Variants in CNTN4 observed in about 807,000 individuals in gnomAD.
The protein encoded by CNTN4 is contactin 4.
A neutral mutation model predicts 122.5 loss-of-function variants in CNTN4; 77 were observed. The ratio of observed to expected loss-of-function variants is 0.63; its 90% CI spans 0.52 to 0.76. The LOEUF (loss-of-function observed/expected upper bound fraction) is 0.76. CNTN4 is among the 30% of genes least tolerant of loss of function. The pLI is 0.00. For synonymous variants in CNTN4, 512 were observed against 447.0 expected, an observed-to-expected ratio of 1.15 and a Z score of -1.83; for missense variants, 1,256 against 1,259.1, an observed-to-expected ratio of 1.00 and a Z score of 0.04.
At chr3:2,241,914 ATCT>A (rs72271306) in intron 2 of CNTN4, among the ~76,000 whole-genome samples, 14,982 of 152,020 alleles carry the variant, frequency 0.099, 868 homozygotes, top group Middle Eastern at 0.15. Context: ...GATCTCACTT[ATCT>A]TCTTGTTTTC....
At chr3:2,259,675 C>T (rs1329398773) in intron 2 of CNTN4, among the ~76,000 whole-genome samples, 2 of 152,140 alleles carry the variant, frequency 1.3e-5, no homozygotes, top group Non-Finnish European at 2.9e-5. Flanking sequence ...GTATTCACAA[C>T]CACGAGAACA....
intron 2 of CNTN4, among the ~76,000 whole-genome samples, chr3:2,188,846 G>C (rs539139190): frequency 1.3e-5 from 2 of 152,206 alleles, no homozygotes; most frequent in South Asian, 4.1e-4. Flanking sequence ...CTCTGTTGGG[G>C]AACAGCTACC....
chr3:2,413,920 T>A (rs1575581430), intron 3 of CNTN4, among the ~76,000 whole-genome samples: 1 of 152,192 alleles, frequency 6.6e-6, no homozygotes, highest in African/African-American at 2.4e-5. Flanking sequence ...TTCTTTCAGT[T>A]AAATATTTAA....
chr3:2,205,800 G>GT (rs1483973201), intron 2 of CNTN4, among the ~76,000 whole-genome samples: 1 of 151,190 alleles, frequency 6.6e-6, no homozygotes, highest in African/African-American at 2.4e-5. Flanking sequence ...ACAGCTGTTT[G>GT]TTTTTTTTAG....
chr3:2,770,559 G>A (rs887212554), intron 6 of CNTN4, among the ~76,000 whole-genome samples: 5 of 152,220 alleles, frequency 3.3e-5, no homozygotes, highest in African/African-American at 1.2e-4. Context: ...GCAAAATAGT[G>A]TCTCTTTTTC....
At chr3:2,965,746 GA>G (rs1192859159) in intron 13 of CNTN4, among the ~76,000 whole-genome samples, 2 of 152,120 alleles carry the variant, frequency 1.3e-5, no homozygotes, top group Non-Finnish European at 2.9e-5. Context: ...TTTGTGACCT[GA>G]CCCCTTTCTG....
chr3:2,428,004 A>G lies in CNTN4; in HGVS notation c.-89+88771A>G, dbSNP rs1295714779. Among the ~76,000 whole-genome samples the G allele has an allele frequency of 1.3e-5, 2 of 151,984 alleles. 1 individual carries two copies. Among genetic ancestry groups the G allele is most frequent in the African/African-American group, 4.8e-5 (2 of 41,258 alleles). On this transcript the variant is annotated intron_variant, in intron 3 of 24. Coordinates refer to ENST00000418658, the MANE Select transcript of CNTN4 (RefSeq NM_175607.3). Reference sequence around the variant, plus strand: ...TGGGTGTCCTAAATACAGCACACTGACAGGTCTTGACTCTTTATCCAATTT... The same window carrying G: ...TGGGTGTCCTAAATACAGCACACTGGCAGGTCTTGACTCTTTATCCAATTT...
chr3:2,459,337 G>A (rs2049117863), intron 3 of CNTN4, among the ~76,000 whole-genome samples: 1 of 151,960 alleles, frequency 6.6e-6, no homozygotes, highest in Admixed American at 6.6e-5. Flanking sequence ...GGCCACATGT[G>A]GACACATGCC....
chr3:2,404,173 T>C (rs1430855425), intron 3 of CNTN4, among the ~76,000 whole-genome samples: 3 of 152,166 alleles, frequency 2.0e-5, no homozygotes, highest in Admixed American at 6.6e-5. Flanking sequence ...ACCACAAATT[T>C]AGTGGCTTAA....
intron 2 of CNTN4, among the ~76,000 whole-genome samples, chr3:2,258,882 G>A (rs929540659): frequency 6.6e-6 from 1 of 152,072 alleles, no homozygotes; most frequent in Non-Finnish European, 1.5e-5. Flanking sequence ...TTGTCCACCA[G>A]TGTTTCTCAG....
At chr3:2,368,290 C>A (rs1280928302) in intron 3 of CNTN4, among the ~76,000 whole-genome samples, 1 of 152,042 alleles carries the variant, frequency 6.6e-6, no homozygotes, top group Non-Finnish European at 1.5e-5. Flanking sequence ...CCTCGGCCTC[C>A]CAAAGTGCTG....
rs761173247 is a variant in CNTN4, at chr3:3,040,267, A to G, written c.2394A>G (p.Glu798=). 8.7e-6 allele frequency: 14 copies of G among 1,609,780 alleles called. No homozygotes were observed. The highest frequency in any genetic ancestry group is 1.2e-5 in the Non-Finnish European group (14 of 1,175,980). ...CCACCACGGTGGTGTATTCTGCAGAAGAAGGTATCGTTTATGCTGCCTAGA... is the reference window on the plus strand; with the variant it reads ...CCACCACGGTGGTGTATTCTGCAGAGGAAGGTATCGTTTATGCTGCCTAGA... The part of the protein sequence containing the change: ...FSPTTVVYSA[E]EEPTKPPASI... The change falls in exon 20 of 25, where the codon GAA becomes GAG. Residue 798 remains glutamate, a synonymous_variant. Coordinates refer to ENST00000418658, the MANE Select transcript of CNTN4 (RefSeq NM_175607.3).
intron 18 of CNTN4, among the ~76,000 whole-genome samples, chr3:3,038,275 A>C (rs1699799724): frequency 1.3e-5 from 2 of 152,226 alleles, no homozygotes; most frequent in Non-Finnish European, 1.5e-5. Context: ...CCTGAGGTGG[A>C]AGCTCGCATA....
chr3:2,360,221 G>T (rs2045068328), intron 3 of CNTN4, among the ~76,000 whole-genome samples: 1 of 152,136 alleles, frequency 6.6e-6, no homozygotes, highest in Non-Finnish European at 1.5e-5. Context: ...AATCTATTCT[G>T]TTTGAGAACT....
At chr3:2,187,416 T>G (rs1170432488) in intron 2 of CNTN4, among the ~76,000 whole-genome samples, 1 of 152,158 alleles carries the variant, frequency 6.6e-6, no homozygotes, top group Non-Finnish European at 1.5e-5. Context: ...TGCGGGCTCT[T>G]TTTTGGGAAT....
At chr3:2,462,200 T>C (rs1277039950) in intron 3 of CNTN4, among the ~76,000 whole-genome samples, 2 of 152,166 alleles carry the variant, frequency 1.3e-5, no homozygotes, top group Non-Finnish European at 1.5e-5. Context: ...GATTTCCAAA[T>C]CAGGAAAGCA....
intron 2 of CNTN4, among the ~76,000 whole-genome samples, chr3:2,300,361 A>G (rs1157954566): frequency 6.6e-6 from 1 of 152,124 alleles, no homozygotes; most frequent in East Asian, 1.9e-4. Flanking sequence ...CGTTCTCAAA[A>G]TAGAGGGGAG....
chr3:2,598,736 A>G (rs1215765406), intron 4 of CNTN4, among the ~76,000 whole-genome samples: 4 of 152,112 alleles, frequency 2.6e-5, no homozygotes, highest in Non-Finnish European at 5.9e-5. Flanking sequence ...GCCTTCGCAA[A>G]TCAGTTCAGT....
chr3:2,586,450 A>C (rs1429208097), intron 4 of CNTN4, among the ~76,000 whole-genome samples: 1 of 151,628 alleles, frequency 6.6e-6, no homozygotes, highest in Non-Finnish European at 1.5e-5. Context: ...CCACCACCAC[A>C]CCTGGCTAGT....
Sources: allele counts gnomAD v4.1 joint callset (sites outside exome capture counted in the v4.1 genomes callset), GRCh38; gene constraint gnomAD v4.1.1; transcripts MANE v1.5; gene names NCBI Gene and HGNC (gene_info 2026-07-23, HGNC 2026-07-21).